Variants in DYNC2H1 observed in about 807,000 individuals in gnomAD.
DYNC2H1 encodes the protein dynein cytoplasmic 2 heavy chain 1.
Under a neutral mutation model 570.0 loss-of-function variants are expected in DYNC2H1, and 410 were observed. The ratio of observed to expected loss-of-function variants is 0.72; its 90% CI spans 0.66 to 0.78. DYNC2H1 has a LOEUF of 0.78. Among genes scored for constraint, DYNC2H1 ranks in the 30% least tolerant of loss-of-function variants. The probability of loss-of-function intolerance (pLI) is 0.00; values close to 1 mark genes in which losing one functional copy is unlikely to be tolerated. For synonymous variants in DYNC2H1, 1,688 were observed against 1,677.6 expected, an observed-to-expected ratio of 1.01 and a Z score of -0.15; for missense variants, 4,865 against 5,046.4, an observed-to-expected ratio of 0.96 and a Z score of 1.09.
chr11:103,195,955 G>T (rs1167759171), intron 47 of DYNC2H1, among the ~76,000 whole-genome samples: 1 of 152,160 alleles, frequency 6.6e-6, no homozygotes, highest in Non-Finnish European at 1.5e-5. Context: ...AGTAAGCGAA[G>T]GATATTCCAG....
intron 75 of DYNC2H1, among the ~76,000 whole-genome samples, chr11:103,290,632 C>G (rs1866555106): frequency 6.6e-6 from 1 of 152,144 alleles, no homozygotes. Context: ...TATCAGGAAA[C>G]TCTGTCTTTG....
intron 70 of DYNC2H1, among the ~76,000 whole-genome samples, chr11:103,263,276 C>A (rs911028616): frequency 2.6e-5 from 4 of 152,242 alleles, no homozygotes; most frequent in Middle Eastern, 3.4e-3. Flanking sequence ...TAACACCCCA[C>A]TGTCAATATT....
At chr11:103,365,254 A>T (rs1003448175) in intron 83 of DYNC2H1, among the ~76,000 whole-genome samples, 18 of 152,124 alleles carry the variant, frequency 1.2e-4, no homozygotes, top group African/African-American at 2.9e-4. Flanking sequence ...CTGGCTACTC[A>T]GGAGGCTGAG....
At chr11:103,233,374 T>C (rs188341399) in intron 60 of DYNC2H1, among the ~76,000 whole-genome samples, 1 of 152,038 alleles carries the variant, frequency 6.6e-6, no homozygotes, top group Non-Finnish European at 1.5e-5. Flanking sequence ...TAAATAATCA[T>C]GTCAAATATT....
chr11:103,287,624 A>G lies in DYNC2H1; in HGVS notation c.11095+19A>G, dbSNP rs1486330677. 3.1e-6 allele frequency: 5 copies of G among 1,595,456 alleles called. No individual in the cohort carries two copies. The highest frequency in any genetic ancestry group is 4.3e-6 in the Non-Finnish European group (5 of 1,170,548). Reference sequence around the variant, plus strand: ...ACTCTGGGTAAGTGTGATGCTTTTCAAGAACTAGACCACTGACCTGAATTA... The same window carrying G: ...ACTCTGGGTAAGTGTGATGCTTTTCGAGAACTAGACCACTGACCTGAATTA... On this transcript the variant is annotated intron_variant, in intron 75 of 88. Coordinates refer to ENST00000375735, the MANE Select transcript of DYNC2H1 (RefSeq NM_001377.3).
At chr11:103,423,929 A>C (rs1383087634) in intron 84 of DYNC2H1, among the ~76,000 whole-genome samples, 1 of 152,138 alleles carries the variant, frequency 6.6e-6, no homozygotes, top group Non-Finnish European at 1.5e-5. Context: ...CACAGTACCC[A>C]AAATGAAATT....
intron 39 of DYNC2H1, among the ~76,000 whole-genome samples, chr11:103,179,816 G>A (rs555296396): frequency 2.0e-5 from 3 of 151,744 alleles, no homozygotes; most frequent in South Asian, 4.1e-4. Context: ...ATGTAAAATA[G>A]TCACATACCA....
rs1053435337 is a variant in DYNC2H1, at chr11:103,160,362, G to A, written c.4379-570G>A. Among the ~76,000 whole-genome samples, 8 of 151,876 alleles carry A rather than the reference G, an allele frequency of 5.3e-5. No individual in the cohort carries two copies. The South Asian group carries it at 6.2e-4, about 12-fold the overall frequency. ...GTTATTTCCAGTTTTTGGCTATTAC[G>A]AATAAAGCTGTTGTAAACAATCATA... is the stretch of plus-strand genomic sequence containing the variant. On this transcript the variant is annotated intron_variant, in intron 28 of 88. Coordinates refer to ENST00000375735, the MANE Select transcript of DYNC2H1 (RefSeq NM_001377.3).
At chr11:103,198,385 T>TA (rs993149714) in intron 48 of DYNC2H1, among the ~76,000 whole-genome samples, 1 of 152,146 alleles carries the variant, frequency 6.6e-6, no homozygotes, top group African/African-American at 2.4e-5. Flanking sequence ...GATTAGAAAA[T>TA]ATGCAGATTC....
In DYNC2H1 at chr11:103,254,905, G is replaced by A. The variant is rs1864987847; in HGVS notation, c.10207-510G>A. On this transcript the variant is annotated intron_variant, in intron 66 of 88. Transcript: ENST00000375735. This position sits in a 1 kb window ranked among gnomAD's most constrained non-coding sequence, Gnocchi z 4.9. The stretch of plus-strand genomic sequence containing the variant: ...TCCTGCCTCAGCCTCCCGAGTAGCT[G>A]GGATTACAGGCGCCCACCACCACGC... Among the ~76,000 whole-genome samples the A allele has an allele frequency of 1.3e-5, 2 of 151,930 alleles. No individual in the cohort carries two copies. The highest frequency in any genetic ancestry group is 2.4e-5 in the African/African-American group (1 of 41,342).
At chr11:103,441,363 C>T (rs112322356) in intron 85 of DYNC2H1, among the ~76,000 whole-genome samples, 2,686 of 151,590 alleles carry the variant, frequency 0.018, 43 homozygotes, top group Middle Eastern at 0.058. Context: ...CGCACTCCCC[C>T]CTCCAATACT....
At chr11:103,295,243 G>A (rs936181760) in intron 75 of DYNC2H1, among the ~76,000 whole-genome samples, 14 of 152,162 alleles carry the variant, frequency 9.2e-5, no homozygotes, top group African/African-American at 2.2e-4. Context: ...CTCTGGCCCC[G>A]GGCTGCTGTA....
intron 63 of DYNC2H1, among the ~76,000 whole-genome samples, chr11:103,242,776 A>G (rs544625573): frequency 1.7e-4 from 26 of 152,076 alleles, no homozygotes; most frequent in Non-Finnish European, 3.5e-4. Context: ...GCTAGAGTGC[A>G]GTGGCGTGAT....
chr11:103,474,918 G>C (rs1945506458), intron 88 of DYNC2H1, among the ~76,000 whole-genome samples: 1 of 152,102 alleles, frequency 6.6e-6, no homozygotes, highest in Non-Finnish European at 1.5e-5. Flanking sequence ...CTTTCAAATA[G>C]TAGTGTATTG....
intron 84 of DYNC2H1, among the ~76,000 whole-genome samples, chr11:103,428,392 ACTAT>A (rs1406792474): frequency 3.9e-5 from 6 of 152,124 alleles, no homozygotes; most frequent in African/African-American, 9.7e-5. Context: ...AATAACAAAA[ACTAT>A]CTAACATACA....
intron 78 of DYNC2H1, among the ~76,000 whole-genome samples, chr11:103,309,769 G>T (rs1318538346): frequency 2.0e-5 from 3 of 151,572 alleles, no homozygotes; most frequent in Admixed American, 6.6e-5. Context: ...TTGCATTTTT[G>T]AACTTAGCAT....
chr11:103,389,237 T>C (rs1487129939), intron 83 of DYNC2H1, among the ~76,000 whole-genome samples: 3 of 152,208 alleles, frequency 2.0e-5, no homozygotes, highest in Non-Finnish European at 2.9e-5. Flanking sequence ...TGGGAGGGTG[T>C]ATGTGTCGAG....
rs368701931 is a variant in DYNC2H1 at position 103,163,462 on chromosome 11, C to T, written c.4611+315C>T. Among the ~76,000 whole-genome samples, 2 of 152,080 alleles carry T rather than the reference C, an allele frequency of 1.3e-5. No individual in the cohort carries two copies. Among genetic ancestry groups the T allele is most frequent in the African/African-American group, 2.4e-5 (1 of 41,434 alleles). ...ATCTATAACACTGTTGTCCCCTACC[C>T]GTCCATCCCTCCCATGGGATCATCT... On this transcript the variant is annotated intron_variant, in intron 30 of 88. Coordinates refer to ENST00000375735, the MANE Select transcript of DYNC2H1 (RefSeq NM_001377.3). This position sits in a 1 kb window ranked among gnomAD's most constrained non-coding sequence, Gnocchi z 4.6.
rs371124661 is a variant in DYNC2H1, at chr11:103,228,859, C to T, written c.9354-2401C>T. Among the ~76,000 whole-genome samples the T allele has an allele frequency of 5.3e-5, 8 of 152,088 alleles. No individual in the cohort carries two copies. In the East Asian group the frequency reaches 1.2e-3, roughly 22 times the overall value. On this transcript the variant is annotated intron_variant, in intron 59 of 88. Transcript: ENST00000375735. This position sits in a 1 kb window ranked among gnomAD's most constrained non-coding sequence, Gnocchi z 6.1. ...GTAGAGAAAGAACACCTGGTGGGGG[C>T]AGGGATAGATGTATCTGAGCTCAGC...
Sources: gnomAD v4.1 joint callset for allele counts (sites outside exome capture counted in the v4.1 genomes callset) on GRCh38, gnomAD v4.1.1 for gene constraint, Gnocchi (gnomAD v3.1) non-coding constraint, MANE v1.5 for transcripts, NCBI Gene and HGNC (gene_info 2026-07-23, HGNC 2026-07-21) for gene names.